MYT1: variants seen among roughly 807,000 people sequenced by gnomAD.
The protein encoded by MYT1 is myelin transcription factor 1, also known as myelin transcription factor I.
In MYT1, 23 loss-of-function variants were observed where a neutral mutation model predicts 123.0. The ratio of observed to expected loss-of-function variants is 0.19; its 90% CI spans 0.13 to 0.26. The LOEUF (loss-of-function observed/expected upper bound fraction) is 0.26, where lower values mean the gene tolerates loss of function less well. Ranked by LOEUF, MYT1 falls within the 10% of genes least tolerant of loss-of-function variation. The pLI, the probability that MYT1 is intolerant of heterozygous loss-of-function variation, is 1.00. For synonymous variants in MYT1, 518 were observed against 575.3 expected (o/e 0.90, Z 1.43); for missense variants, 1,125 against 1,472.5 (o/e 0.76, Z 3.86).
chr20:64,236,230 C>A (rs1984534750), intron 19 of MYT1, among the ~76,000 whole-genome samples: 1 of 137,536 alleles, frequency 7.3e-6, no homozygotes, highest in Admixed American at 7.2e-5. Context: ...GGTGGGTGAC[C>A]CTGGGATGGC....
At chr20:64,228,236 G>A (rs541299976) in intron 18 of MYT1, 6 of 500,736 alleles carry the variant, frequency 1.2e-5, no homozygotes, top group African/African-American at 4.0e-5. Context: ...AGTATTTGAC[G>A]GGGCTGGGAG....
intron 1 of MYT1, among the ~76,000 whole-genome samples, chr20:64,173,263 T>C (rs1286151859): frequency 2.0e-5 from 3 of 152,108 alleles, no homozygotes; most frequent in African/African-American, 7.2e-5. Flanking sequence ...CTGAGCACCG[T>C]GGGAGGGTCA....
chr20:64,217,226 A>T lies in MYT1; in HGVS notation c.1791A>T (p.Lys597Asn). The T allele has an allele frequency of 6.2e-7, 1 of 1,614,240 alleles. No homozygotes were observed. The highest frequency in any genetic ancestry group is 8.5e-7 in the Non-Finnish European group (1 of 1,180,044). ...GTTTCGATGCTCAGGTTTTTGGCAA[A>T]CGCATGCTTGCCCCAAAGATTCAGA... ...YASFDAQVFG[K>N]RMLAPKIQTS... The change falls in exon 11 of 23, where the codon AAA (lysine) becomes AAT (asparagine). Residue 597 changes from lysine to asparagine, a missense_variant. Lys to Asn is a moderately conservative substitution (Grantham distance 94, BLOSUM62 0). Around this residue, in one of 4 missense-constraint regions of MYT1, gnomAD observed 429 missense variants for 604.1 expected, o/e 0.71. Transcript: ENST00000328439.
Position 64,186,613 on chromosome 20 carries a change from G to A in MYT1, c.-98-3450G>A, listed in dbSNP as rs1198458669. 6.6e-6 allele frequency among the ~76,000 whole-genome samples: 1 copy of A among 152,266 alleles called. No homozygotes were observed. Among genetic ancestry groups the A allele is most frequent in the Non-Finnish European group, 1.5e-5 (1 of 68,040 alleles). ...GGACTTAAGTCTCAGAGAGGGTAGT[G>A]ACCTGCTGCTCAGGTCTGAGTTGGT... On this transcript the variant is annotated intron_variant, in intron 1 of 22. Transcript: ENST00000328439. This position sits in a 1 kb window ranked among gnomAD's most constrained non-coding sequence, Gnocchi z 4.3.
chr20:64,237,239 G>A (rs978309589), intron 20 of MYT1, 48 bp from the exon 21 acceptor site: 1 of 1,537,882 alleles, frequency 6.5e-7, no homozygotes, highest in Non-Finnish European at 8.9e-7. Context: ...CTTTGGCCCA[G>A]GCCTGCCTGA....
intron 17 of MYT1, 109 bp from the exon 18 acceptor site, chr20:64,227,778 TC>T: frequency 6.4e-6 from 3 of 472,066 alleles, no homozygotes; most frequent in Non-Finnish European, 8.1e-6. Flanking sequence ...CCTCACTCCC[TC>T]CCACCCCACC....
Position 64,166,263 on chromosome 20 carries a change from G to A in MYT1, c.-99+1524G>A, listed in dbSNP as rs1290515661. Among the ~76,000 whole-genome samples, 1 of 152,310 alleles carries A rather than the reference G, an allele frequency of 6.6e-6. No individual in the cohort carries two copies. The highest frequency in any genetic ancestry group is 2.1e-4 in the South Asian group (1 of 4,828). On this transcript the variant is annotated intron_variant, in intron 1 of 22. Coordinates refer to ENST00000328439, the MANE Select transcript of MYT1 (RefSeq NM_004535.3). This position sits in a 1 kb window ranked among gnomAD's most constrained non-coding sequence, Gnocchi z 4.9. ...CTGTCTCCCTCGGTAGCTGTTCCTT[G>A]TGCAGAGGAGGCTGGGTCAGGGCTT... is the stretch of plus-strand genomic sequence containing the variant.
chr20:64,234,038 C>T (rs549996942), intron 19 of MYT1, among the ~76,000 whole-genome samples: 5 of 152,292 alleles, frequency 3.3e-5, no homozygotes, highest in East Asian at 1.9e-4. Context: ...CTGCAGAAGC[C>T]GGGAAGGCCA....
At chr20:64,227,835 G>A (rs1250752927) in intron 17 of MYT1, 53 bp from the exon 18 acceptor site, 1 of 1,517,854 alleles carries the variant, frequency 6.6e-7, no homozygotes, top group Non-Finnish European at 9.1e-7. Context: ...GAACGGGTGT[G>A]AGAAGCTGCG....
At chr20:64,236,295 G>A (rs1228613297) in intron 19 of MYT1, among the ~76,000 whole-genome samples, 2 of 138,372 alleles carry the variant, frequency 1.4e-5, no homozygotes, top group African/African-American at 2.8e-5. Flanking sequence ...TGGCCGCGGT[G>A]GGTGACCCTG....
At chr20:64,225,412 T>A (rs1984143185) in intron 16 of MYT1, among the ~76,000 whole-genome samples, 1 of 152,176 alleles carries the variant, frequency 6.6e-6, no homozygotes, top group Non-Finnish European at 1.5e-5. Flanking sequence ...CCAAGGGCGT[T>A]CACTCTTCCC....
rs1261016645 is a variant in MYT1, at chr20:64,232,255, A to G, written c.2767A>G (p.Arg923Gly). The change falls in exon 19 of 23, where the codon AGG becomes GGG. Residue 923 changes from arginine (R) to glycine (G), a missense_variant. Coordinates refer to ENST00000328439, the MANE Select transcript of MYT1 (RefSeq NM_004535.3). The surrounding 1 kb of genome is among the most constrained non-coding windows in gnomAD (Gnocchi z 6.9). ...SASGCPLAAR[R>G]QKEGSLNGSS... ...ATCCGGCTGCCCACTGGCCGCCCGC[A>G]GGCAGAAGGAAGGGTCCCTCAATGG... is the stretch of plus-strand genomic sequence containing the variant. 6.2e-7 allele frequency: 1 copy of G among 1,613,180 alleles called. No homozygotes were observed. Among genetic ancestry groups the G allele is most frequent in the South Asian group, 1.1e-5 (1 of 91,082 alleles).
intron 1 of MYT1, among the ~76,000 whole-genome samples, chr20:64,183,934 C>A (rs1008404345): frequency 1.3e-5 from 2 of 152,132 alleles, no homozygotes; most frequent in Non-Finnish European, 2.9e-5. Flanking sequence ...GATTCTCCTG[C>A]CTCAGCCTCC....
At chr20:64,219,410 A>G (rs1340892209) in intron 12 of MYT1, among the ~76,000 whole-genome samples, 1 of 152,178 alleles carries the variant, frequency 6.6e-6, no homozygotes, top group Non-Finnish European at 1.5e-5. Context: ...TGTTTCCCGC[A>G]GTCTTGTGGT....
At chr20:64,205,961 G>A (rs1273677982) in intron 6 of MYT1, among the ~76,000 whole-genome samples, 161 bp downstream of exon 6, 2 of 152,204 alleles carry the variant, frequency 1.3e-5, no homozygotes, top group South Asian at 2.1e-4. Flanking sequence ...TGGGAGAGAG[G>A]TCTGCCCATG....
chr20:64,183,695 G>T (rs1982717946), intron 1 of MYT1, among the ~76,000 whole-genome samples: 1 of 152,116 alleles, frequency 6.6e-6, no homozygotes, highest in South Asian at 2.1e-4. Context: ...TTCTAAAATT[G>T]GGTTATTTGT....
chr20:64,234,372 C>A (rs957863773), intron 19 of MYT1, among the ~76,000 whole-genome samples: 1 of 152,146 alleles, frequency 6.6e-6, no homozygotes, highest in South Asian at 2.1e-4. Flanking sequence ...CAGAGGGAGC[C>A]CTGCTGAGAG....
intron 2 of MYT1, among the ~76,000 whole-genome samples, chr20:64,195,792 A>C (rs1983101776): frequency 6.6e-6 from 1 of 152,236 alleles, no homozygotes; most frequent in Non-Finnish European, 1.5e-5. Context: ...ACTTTTGAGG[A>C]GACTGCTTTT....
Position 64,202,964 on chromosome 20 carries a change from G to A in MYT1, c.87-2071G>A, listed in dbSNP as rs941005480. 6.6e-6 allele frequency among the ~76,000 whole-genome samples: 1 copy of A among 152,240 alleles called. No individual in the cohort carries two copies. The highest frequency in any genetic ancestry group is 2.4e-5 in the African/African-American group (1 of 41,464). On this transcript the variant is annotated intron_variant, in intron 4 of 22. Transcript: ENST00000328439. The surrounding 1 kb of genome is among the most constrained non-coding windows in gnomAD (Gnocchi z 5.0). The stretch of plus-strand genomic sequence containing the variant: ...GGACATCAGGAAATAAGAGCTGAGT[G>A]TGCTTGCAGGTGAACTGCAGGGCTG...
Sources: allele counts gnomAD v4.1 joint callset (sites outside exome capture counted in the v4.1 genomes callset), GRCh38; gene constraint gnomAD v4.1.1; regional missense constraint gnomAD v4.1.1; non-coding constraint Gnocchi (gnomAD v3.1); transcripts MANE v1.5; gene names NCBI Gene and HGNC (gene_info 2026-07-23, HGNC 2026-07-21).